Variants in CDH13 observed in about 807,000 individuals in gnomAD.
CDH13 encodes the protein cadherin 13, also known as cadherin-13.
A neutral mutation model predicts 63.8 loss-of-function variants in CDH13; 24 were observed. The observed-to-expected ratio is 0.38, with a 90% CI of 0.27 to 0.53. The LOEUF is 0.53. Ranked by LOEUF, CDH13 falls within the 20% of genes least tolerant of loss-of-function variation. CDH13 has a pLI of 0.85. For synonymous variants in CDH13, 503 were observed against 355.3 expected (o/e 1.42, Z -4.67); for missense variants, 1,049 against 903.1 (o/e 1.16, Z -2.07).
Position 82,760,964 on chromosome 16 carries a change from A to G in CDH13, c.46-97398A>G, listed in dbSNP as rs151332015. Among the ~76,000 whole-genome samples, 1,265 of 147,912 alleles carry G rather than the reference A, an allele frequency of 8.6e-3. 21 individuals carry two copies. The highest frequency in any genetic ancestry group is 0.04 in the South Asian group (187 of 4,648). ...AGGAGGGATCTACCCCCATAAGCCA[A>G]ATATCTCCCACCAGCCTCCACCTCC... On this transcript the variant is annotated intron_variant, in intron 1 of 13. Transcript: ENST00000567109.
At chr16:82,687,515 A>G (rs1409202334) in intron 1 of CDH13, among the ~76,000 whole-genome samples, 1 of 152,148 alleles carries the variant, frequency 6.6e-6, no homozygotes, top group South Asian at 2.1e-4. Context: ...GCAAAGTCAC[A>G]TCTTGCATGG....
At chr16:83,234,853 A>T (rs1057372951) in intron 5 of CDH13, among the ~76,000 whole-genome samples, 3 of 151,962 alleles carry the variant, frequency 2.0e-5, no homozygotes, top group African/African-American at 7.3e-5. Flanking sequence ...CAAATGACAA[A>T]CCCACGTCCT....
intron 4 of CDH13, among the ~76,000 whole-genome samples, chr16:83,197,101 C>T (rs1024462348): frequency 6.6e-6 from 1 of 152,068 alleles, no homozygotes; most frequent in Non-Finnish European, 1.5e-5. Context: ...AAATATGGCT[C>T]AGCAATAAAA....
intron 6 of CDH13, among the ~76,000 whole-genome samples, chr16:83,400,425 G>T (rs1019794751): frequency 6.6e-6 from 1 of 152,142 alleles, no homozygotes; most frequent in African/African-American, 2.4e-5. Context: ...CTCCAGGATG[G>T]GGTCATAGTG....
At chr16:83,474,200 A>G (rs1327174492) in intron 6 of CDH13, among the ~76,000 whole-genome samples, 1 of 152,006 alleles carries the variant, frequency 6.6e-6, no homozygotes, top group African/African-American at 2.4e-5. Flanking sequence ...CTCCTCCTCC[A>G]TGGAATTACT....
intron 1 of CDH13, among the ~76,000 whole-genome samples, chr16:82,817,500 C>CACATATAT (rs1258780416): frequency 7.9e-5 from 12 of 152,130 alleles, no homozygotes; most frequent in Non-Finnish European, 1.8e-4. Context: ...TAAATGCACA[C>CACATATAT]ACATATATAC....
At chr16:83,644,173 G>A (rs1337268967) in intron 8 of CDH13, among the ~76,000 whole-genome samples, 2 of 152,164 alleles carry the variant, frequency 1.3e-5, no homozygotes, top group African/African-American at 4.8e-5. Flanking sequence ...TCCCTTGAAT[G>A]GCCCACATTC....
At chr16:83,107,994 T>A (rs2034862158) in intron 3 of CDH13, among the ~76,000 whole-genome samples, 2 of 152,190 alleles carry the variant, frequency 1.3e-5, no homozygotes, top group South Asian at 4.2e-4. Flanking sequence ...AGCTAATTTT[T>A]GTATTTTTAG....
chr16:83,191,493 A>G (rs1318136371), intron 4 of CDH13, among the ~76,000 whole-genome samples: 1 of 68,426 alleles, frequency 1.5e-5, no homozygotes, highest in Non-Finnish European at 2.8e-5. Flanking sequence ...ATATATGCAC[A>G]TATATATATA....
intron 10 of CDH13, among the ~76,000 whole-genome samples, chr16:83,684,591 C>G (rs1045193607): frequency 6.6e-6 from 1 of 152,170 alleles, no homozygotes; most frequent in Admixed American, 6.5e-5. Context: ...GTAGCAATTC[C>G]TATTCCAAAC....
At chr16:83,515,679 G>A (rs183886766) in intron 7 of CDH13, among the ~76,000 whole-genome samples, 265 of 152,260 alleles carry the variant, frequency 1.7e-3, no homozygotes, top group African/African-American at 6.3e-3. Context: ...ACCAAAATAT[G>A]AGAATCAAGT....
rs148261081 is a variant in CDH13 at position 82,832,630 on chromosome 16, C to G, written c.46-25732C>G. Among the ~76,000 whole-genome samples, 732 of 151,872 alleles carry G rather than the reference C, an allele frequency of 4.8e-3. 8 individuals are homozygous for G. The highest frequency in any genetic ancestry group is 0.017 in the African/African-American group (701 of 41,436). ...AAAAAAAAAATGAATCTTAAACATT[C>G]TTTTCAACTATTATCACCCCAAAAT... On this transcript the variant is annotated intron_variant, in intron 1 of 13. Coordinates refer to ENST00000567109, the MANE Select transcript of CDH13 (RefSeq NM_001257.5).
At chr16:83,749,762 A>G (rs1912924487) in intron 11 of CDH13, among the ~76,000 whole-genome samples, 2 of 152,164 alleles carry the variant, frequency 1.3e-5, no homozygotes, top group South Asian at 4.1e-4. Context: ...AGGTTAGTCA[A>G]GTACACAGAA....
chr16:83,436,669 G>C lies in CDH13; in HGVS notation c.782-49808G>C, dbSNP rs566358059. 7.9e-5 allele frequency among the ~76,000 whole-genome samples: 12 copies of C among 152,324 alleles called. No individual in the cohort carries two copies. The East Asian group carries it at 1.7e-3, about 22-fold the overall frequency. ...CTTTTAATGCCTATGCAGCCGTGATGTGCCAAGTAATATGTTCCATGTGTA... is the reference window on the plus strand; with the variant it reads ...CTTTTAATGCCTATGCAGCCGTGATCTGCCAAGTAATATGTTCCATGTGTA... On this transcript the variant is annotated intron_variant, in intron 6 of 13. Transcript: ENST00000567109.
intron 5 of CDH13, among the ~76,000 whole-genome samples, chr16:83,314,333 G>A (rs1308065338): frequency 6.6e-6 from 1 of 151,912 alleles, no homozygotes; most frequent in East Asian, 1.9e-4. Context: ...CAGCTGATTA[G>A]ATAAATGTAC....
chr16:83,317,435 T>C (rs936393507), intron 5 of CDH13, among the ~76,000 whole-genome samples: 4 of 152,148 alleles, frequency 2.6e-5, no homozygotes, highest in East Asian at 3.9e-4. Flanking sequence ...AAGCAAATCA[T>C]AGGGCCACAT....
intron 13 of CDH13, among the ~76,000 whole-genome samples, chr16:83,784,093 A>G (rs1211779841): frequency 6.6e-6 from 1 of 152,242 alleles, no homozygotes; most frequent in Non-Finnish European, 1.5e-5. Flanking sequence ...TACTAGTCCA[A>G]TGTTAACTTT....
chr16:83,499,498 C>G (rs565600643), intron 7 of CDH13, among the ~76,000 whole-genome samples: 2 of 152,350 alleles, frequency 1.3e-5, no homozygotes, highest in South Asian at 2.1e-4. Flanking sequence ...CTTGAACAAC[C>G]AGTAACCATA....
intron 8 of CDH13, among the ~76,000 whole-genome samples, chr16:83,661,304 T>C (rs1025639719): frequency 6.6e-6 from 1 of 152,018 alleles, no homozygotes; most frequent in African/African-American, 2.4e-5. Context: ...CTGAGCAGTA[T>C]AGTGAAACCC....
Sources: allele counts gnomAD v4.1 joint callset (sites outside exome capture counted in the v4.1 genomes callset), GRCh38; gene constraint gnomAD v4.1.1; transcripts MANE v1.5; gene names NCBI Gene and HGNC (gene_info 2026-07-23, HGNC 2026-07-21).